AKAP13: variants seen among roughly 807,000 people sequenced by gnomAD.
AKAP13 encodes the protein A-kinase anchoring protein 13.
Under a neutral mutation model 264.5 loss-of-function variants are expected in AKAP13, and 80 were observed. The ratio of observed to expected loss-of-function variants is 0.30; its 90% confidence interval spans 0.25 to 0.36. The LOEUF is 0.36. AKAP13 is among the 10% of genes least tolerant of loss of function. The probability of loss-of-function intolerance (pLI) is 1.00; values close to 1 mark genes in which losing one functional copy is unlikely to be tolerated. For synonymous variants in AKAP13, 1,380 were observed against 1,250.2 expected (o/e 1.10, Z -2.19); for missense variants, 3,712 against 3,435.2 (o/e 1.08, Z -2.01).
chr15:85,741,713 A>ACAAAC (rs1162683618), intron 35 of AKAP13, among the ~76,000 whole-genome samples: 1 of 101,074 alleles, frequency 9.9e-6, no homozygotes, highest in Non-Finnish European at 2.0e-5. Context: ...AAAAAAAAAA[A>ACAAAC]AAACAAACAA....
intron 1 of AKAP13, among the ~76,000 whole-genome samples, chr15:85,466,547 G>A (rs1002428904): frequency 6.6e-6 from 1 of 152,184 alleles, no homozygotes; most frequent in Non-Finnish European, 1.5e-5. Context: ...GTAAGGAAGG[G>A]ATCCAGTTTC....
chr15:85,403,867 C>CT (rs2071545453), intron 1 of AKAP13, among the ~76,000 whole-genome samples: 1 of 146,528 alleles, frequency 6.8e-6, no homozygotes, highest in Admixed American at 6.9e-5. Context: ...AAAAAAAAAT[C>CT]TGACGTGAAA....
At chr15:85,644,894 G>T (rs2082483962) in intron 9 of AKAP13, among the ~76,000 whole-genome samples, 1 of 152,082 alleles carries the variant, frequency 6.6e-6, no homozygotes, top group South Asian at 2.1e-4. Flanking sequence ...AACCGTGTTG[G>T]TACCCAGTCA....
At chr15:85,744,578 AAGG>A (rs1169774675) in intron 36 of AKAP13, 47 bp from the exon 37 acceptor site, 2 of 1,598,292 alleles carry the variant, frequency 1.3e-6, no homozygotes, top group Admixed American at 1.7e-5. Context: ...AGTTCAATGA[AAGG>A]AGCAGTTTTT....
chr15:85,570,571 C>T (rs1230611075), intron 5 of AKAP13, among the ~76,000 whole-genome samples: 2 of 152,166 alleles, frequency 1.3e-5, no homozygotes, highest in Admixed American at 6.5e-5. Context: ...GAAGACAGAA[C>T]ATGTTTCAGT....
At chr15:85,619,391 T>G (rs1288191982) in intron 8 of AKAP13, 2 of 985,086 alleles carry the variant, frequency 2.0e-6, no homozygotes, top group Non-Finnish European at 2.4e-6. Flanking sequence ...GGTCTTTTAT[T>G]TTTTTCCCTT....
intron 5 of AKAP13, among the ~76,000 whole-genome samples, chr15:85,554,022 G>A (rs1057509549): frequency 2.6e-5 from 4 of 152,122 alleles, no homozygotes; most frequent in African/African-American, 4.8e-5. Flanking sequence ...GCTGGGGACC[G>A]CTGGTTTAGA....
chr15:85,720,157 C>G (rs2087194220), intron 23 of AKAP13, among the ~76,000 whole-genome samples: 1 of 151,884 alleles, frequency 6.6e-6, no homozygotes, highest in Admixed American at 6.6e-5. Context: ...TCACTTGAGC[C>G]TAGGAGTTCA....
intron 2 of AKAP13, among the ~76,000 whole-genome samples, chr15:85,508,838 C>T (rs908636041): frequency 6.6e-6 from 1 of 152,096 alleles, no homozygotes; most frequent in East Asian, 1.9e-4. Flanking sequence ...CGATATATTC[C>T]CTTTGCCTTG....
In AKAP13 at chr15:85,453,363, G is replaced by A. The variant is rs61264330; in HGVS notation, c.-11-32347G>A. Among the ~76,000 whole-genome samples, 6 of 152,260 alleles carry A rather than the reference G, an allele frequency of 3.9e-5. No homozygotes were observed. In the East Asian group the frequency reaches 1.2e-3, roughly 29 times the overall value. ...GATCAGCCACCCACGTAACAGTGGG[G>A]CCACTTTTCCCTAGGGCTGCTGTGG... On this transcript the variant is annotated intron_variant, in intron 1 of 36. Transcript: ENST00000394518.
chr15:85,669,081 C>A (rs111473891), intron 13 of AKAP13, among the ~76,000 whole-genome samples: 6,436 of 149,474 alleles, frequency 0.043, 447 homozygotes, highest in African/African-American at 0.15. Flanking sequence ...ACTAAAAATA[C>A]AAAATTTAGC....
chr15:85,605,701 T>C (rs1244963596), intron 8 of AKAP13, among the ~76,000 whole-genome samples: 1 of 152,180 alleles, frequency 6.6e-6, no homozygotes, highest in Non-Finnish European at 1.5e-5. Flanking sequence ...AATATAAAAA[T>C]CAATATGTAT....
At chr15:85,639,868 G>T (rs557783006) in intron 9 of AKAP13, among the ~76,000 whole-genome samples, 1 of 152,146 alleles carries the variant, frequency 6.6e-6, no homozygotes, top group African/African-American at 2.4e-5. Context: ...TTAATTGGGT[G>T]GGGTGTGGCC....
chr15:85,723,697 GAC>G (rs2087436457), intron 26 of AKAP13, among the ~76,000 whole-genome samples: 1 of 152,242 alleles, frequency 6.6e-6, no homozygotes, highest in Non-Finnish European at 1.5e-5. Flanking sequence ...CAAGGAGGGA[GAC>G]ACAGTCAGCG....
chr15:85,653,024 T>G (rs2082932264), intron 10 of AKAP13, among the ~76,000 whole-genome samples: 1 of 152,144 alleles, frequency 6.6e-6, no homozygotes, highest in Non-Finnish European at 1.5e-5. Context: ...TTCAACCCAG[T>G]ACAGTGAGAA....
At position 85,611,393 on chromosome 15, in the gene AKAP13, A is replaced by G. The variant is rs571517153; in HGVS notation, c.4161+25570A>G. ...CTCCCCTGCCACCTACTTCTGCTGCATTCCGCCCTTTACCTAGTTGTTCAG... is the reference window on the plus strand; with the variant it reads ...CTCCCCTGCCACCTACTTCTGCTGCGTTCCGCCCTTTACCTAGTTGTTCAG... On this transcript the variant is annotated intron_variant, in intron 8 of 36. Coordinates refer to ENST00000394518, the MANE Select transcript of AKAP13 (RefSeq NM_007200.5). Among the ~76,000 whole-genome samples, 36 of 152,308 alleles carry G rather than the reference A, an allele frequency of 2.4e-4. No homozygotes were observed. The East Asian group carries it at 6.8e-3, about 29-fold the overall frequency.
At chr15:85,473,939 G>T (rs1335373545) in intron 1 of AKAP13, among the ~76,000 whole-genome samples, 1 of 152,006 alleles carries the variant, frequency 6.6e-6, no homozygotes, top group Non-Finnish European at 1.5e-5. Context: ...TAAGCAACAA[G>T]AAAAAAATGA....
intron 15 of AKAP13, chr15:85,684,512 T>C (rs1490970452): frequency 2.4e-6 from 1 of 413,762 alleles, no homozygotes; most frequent in East Asian, 4.2e-5. Flanking sequence ...TGCAGTGAGC[T>C]ATCATCACAC....
At chr15:85,483,612 G>A (rs1489600230) in intron 1 of AKAP13, among the ~76,000 whole-genome samples, 25 of 128,246 alleles carry the variant, frequency 1.9e-4, no homozygotes, top group African/African-American at 6.7e-4. Flanking sequence ...CGGCCTGGGC[G>A]ACAGAGCGAG....
Sources: allele counts gnomAD v4.1 joint callset (sites outside exome capture counted in the v4.1 genomes callset), GRCh38; gene constraint gnomAD v4.1.1; transcripts MANE v1.5; gene names NCBI Gene and HGNC (gene_info 2026-07-23, HGNC 2026-07-21).